The following F7 variants were observed in gnomAD, a reference collection of about 807,000 sequenced individuals.
The protein encoded by F7 is coagulation factor VII, also known as FVII coagulation protein.
F7 carries 38 observed loss-of-function variants against 47.5 expected under a neutral mutation model. That is an observed-to-expected ratio of 0.80 (90% CI 0.62 to 1.05). The LOEUF (loss-of-function observed/expected upper bound fraction) is 1.05. Among genes scored for constraint, F7 ranks in the 50% least tolerant of loss-of-function variants. The pLI, the probability that F7 is intolerant of heterozygous loss-of-function variation, is 0.00. For missense variants in F7, 575 were observed against 605.4 expected, an observed-to-expected ratio of 0.95 and a Z score of 0.53; for synonymous variants, 244 against 258.5, an observed-to-expected ratio of 0.94 and a Z score of 0.54.
In F7 at chr13:113,115,717, G is replaced by C; in HGVS notation, c.422G>C (p.Ser141Thr). 2 of 1,613,134 alleles carry C rather than the reference G, an allele frequency of 1.2e-6. No individual in the cohort carries two copies. The highest frequency in any genetic ancestry group is 1.7e-6 in the Non-Finnish European group (2 of 1,180,020). ...NENGGCEQYC[S>T]DHTGTKRSCR... ...AACGGCGGCTGTGAGCAGTACTGCA[G>C]TGACCACACGGGCACCAAGCGCTCC... Residue 141 changes from serine (S) to threonine (T), a missense_variant, in exon 5 of 8, where the codon AGT becomes ACT. By Grantham distance (58) the Ser-to-Thr change is moderately conservative (BLOSUM62 1). Coordinates refer to ENST00000346342, the MANE Select transcript of F7 (RefSeq NM_019616.4).
intron 5 of F7, among the ~76,000 whole-genome samples, chr13:113,116,011 T>A (rs1305033898): frequency 6.6e-6 from 1 of 152,198 alleles, no homozygotes; most frequent in Admixed American, 6.5e-5. Flanking sequence ...AATCCCTGAA[T>A]GGCCTCAGGC....
Position 113,118,410 on chromosome 13 carries a change from C to T in F7, c.740-3C>T, listed in dbSNP as rs2142232068. The T allele has an allele frequency of 6.3e-7, 1 of 1,589,234 alleles. No homozygotes were observed. Among genetic ancestry groups the T allele is most frequent in the South Asian group, 1.1e-5 (1 of 89,746 alleles). ...GGGCCTGAGGGGGGCTTCTTCCTTC[C>T]AGGCGAGCACGACCTCAGCGAGCAC... is the stretch of plus-strand genomic sequence containing the variant. On this transcript the variant is annotated splice_polypyrimidine_tract_variant and splice_region_variant and intron_variant, in intron 7 of 7. Transcript: ENST00000346342.
chr13:113,108,705 TGTGGGTGTCCCGGGGGTC>T (rs1595069641), intron 1 of F7, among the ~76,000 whole-genome samples: 4 of 65,080 alleles, frequency 6.1e-5, no homozygotes, highest in African/African-American at 2.1e-4. Flanking sequence ...GTCCCGGGGG[TGTGGGTGTCCCGGGGGTC>T]GTGGGTGTCC....
At position 113,113,089 on chromosome 13, in the gene F7, A is replaced by G. The variant is rs2036134749; in HGVS notation, c.226-663A>G. 2.6e-5 allele frequency among the ~76,000 whole-genome samples: 4 copies of G among 152,048 alleles called. No individual in the cohort carries two copies. The South Asian group carries it at 6.2e-4, about 24-fold the overall frequency. On this transcript the variant is annotated intron_variant, in intron 2 of 7. Transcript: ENST00000346342. This position sits in a 1 kb window ranked among gnomAD's most constrained non-coding sequence, Gnocchi z 4.1. ...GGTCGCCACACCTCACACTCACAGGATGCCTCACACTCACAGAACCACATC... is the reference window on the plus strand; with the variant it reads ...GGTCGCCACACCTCACACTCACAGGGTGCCTCACACTCACAGAACCACATC...
chr13:113,110,154 C>A lies in F7; in HGVS notation c.65-536C>A, dbSNP rs530052515. On this transcript the variant is annotated intron_variant, in intron 1 of 7. Coordinates refer to ENST00000346342, the MANE Select transcript of F7 (RefSeq NM_019616.4). ...GAAGCCCAGGACCGCCAAGAGCTGGCGAGGAAGCCCGGGGCTCGCTGTCGG... is the reference window on the plus strand; with the variant it reads ...GAAGCCCAGGACCGCCAAGAGCTGGAGAGGAAGCCCGGGGCTCGCTGTCGG... Among the ~76,000 whole-genome samples, 599 of 152,202 alleles carry A rather than the reference C, an allele frequency of 3.9e-3. 4 individuals are homozygous for A. Among genetic ancestry groups the A allele is most frequent in the African/African-American group, 0.014 (569 of 41,548 alleles).
intron 5 of F7, 140 bp from the exon 6 acceptor site, chr13:113,116,626 C>A: frequency 1.4e-6 from 1 of 718,148 alleles, no homozygotes; most frequent in Non-Finnish European, 2.5e-6. Context: ...CACCCCTGGG[C>A]CCTGGGAGCT....
intron 1 of F7, chr13:113,107,005 G>A: frequency 7.2e-7 from 1 of 1,381,224 alleles, no homozygotes; most frequent in South Asian, 1.2e-5. Flanking sequence ...CCCGCGGGGT[G>A]GCTACTGCAG....
intron 1 of F7, among the ~76,000 whole-genome samples, chr13:113,106,280 T>TG (rs1229818440): frequency 2.5e-5 from 1 of 40,348 alleles, no homozygotes; most frequent in Admixed American, 3.2e-4. Context: ...GGACGGTGCG[T>TG]GGGGGATGGC....
In F7 at chr13:113,107,199, C is replaced by T. The variant is rs28663357; in HGVS notation, c.64+1294C>T. 0.23 allele frequency among the ~76,000 whole-genome samples: 34,980 copies of T among 150,628 alleles called. 4,373 individuals are homozygous for T. Among genetic ancestry groups the T allele is most frequent in the East Asian group, 0.45 (2,265 of 5,062 alleles). ...CTTTTCTGATGCAAATCTGCTTTCA[C>T]CCCAGGGCGGTCACCGGCTCTGCTC... is the stretch of plus-strand genomic sequence containing the variant. On this transcript the variant is annotated intron_variant, in intron 1 of 7. Transcript: ENST00000346342.
Position 113,118,455 on chromosome 13 carries a change from G to A in F7, c.782G>A (p.Arg261Gln), listed in dbSNP as rs568706248. ...LSEHDGDEQS[R>Q]RVAQVIIPST... Reference sequence around the variant, plus strand: ...GAGCACGACGGGGATGAGCAGAGCCGGCGGGTGGCGCAGGTCATCATCCCC... The same window carrying A: ...GAGCACGACGGGGATGAGCAGAGCCAGCGGGTGGCGCAGGTCATCATCCCC... Residue 261 changes from arginine (R) to glutamine (Q), a missense_variant, in exon 8 of 8, where the codon CGG becomes CAG. Coordinates refer to ENST00000346342, the MANE Select transcript of F7 (RefSeq NM_019616.4). The A allele has an allele frequency of 1.2e-5, 20 of 1,605,662 alleles. No homozygotes were observed. The East Asian group carries it at 2.2e-4, about 18-fold the overall frequency.
intron 1 of F7, among the ~76,000 whole-genome samples, chr13:113,108,705 T>TC (rs2036022823): frequency 1.5e-5 from 1 of 65,088 alleles, no homozygotes. Flanking sequence ...GTCCCGGGGG[T>TC]GTGGGTGTCC....
chr13:113,107,928 T>C (rs1385701588), intron 1 of F7, among the ~76,000 whole-genome samples: 3 of 85,598 alleles, frequency 3.5e-5, no homozygotes, highest in African/African-American at 1.2e-4. Context: ...GGGGCGTGGG[T>C]GTCCCGGGGG....
In F7 at chr13:113,113,849, G is replaced by A. The variant is rs777385390; in HGVS notation, c.253G>A (p.Gly85Arg). The A allele has an allele frequency of 1.9e-6, 3 of 1,614,200 alleles. No individual in the cohort carries two copies. The highest frequency in any genetic ancestry group is 2.5e-6 in the Non-Finnish European group (3 of 1,180,034). Reference sequence around the variant, plus strand: ...ACTGACACCAGCCCACTCCACAGATGGGGACCAGTGTGCCTCAAGTCCATG... The same window carrying A: ...ACTGACACCAGCCCACTCCACAGATAGGGACCAGTGTGCCTCAAGTCCATG... ...TKLFWISYSD[G>R]DQCASSPCQN... is the part of the protein sequence containing the mutation. The change falls in exon 4 of 8, where the codon GGG (glycine) becomes AGG (arginine). Residue 85 changes from glycine to arginine, a missense_variant and splice_region_variant. By Grantham distance (125) the Gly-to-Arg change is moderately radical (BLOSUM62 -2). Coordinates refer to ENST00000346342, the MANE Select transcript of F7 (RefSeq NM_019616.4). The surrounding 1 kb of genome is among the most constrained non-coding windows in gnomAD (Gnocchi z 4.1).
Position 113,105,916 on chromosome 13 carries a change from G to A in F7, c.64+11G>A. The stretch of plus-strand genomic sequence containing the variant: ...GCTGCCTGGCTGCAGGTGCGTCCGG[G>A]GAGGTTTTCTCCATAAACTTGGTGG... On this transcript the variant is annotated intron_variant, in intron 1 of 7. Coordinates refer to ENST00000346342, the MANE Select transcript of F7 (RefSeq NM_019616.4). 1.9e-6 allele frequency: 3 copies of A among 1,577,570 alleles called. 1 individual carries two copies. The South Asian group carries it at 3.5e-5, about 18-fold the overall frequency.
chr13:113,106,554 G>A (rs1179806320), intron 1 of F7, among the ~76,000 whole-genome samples: 1 of 48,152 alleles, frequency 2.1e-5, no homozygotes, highest in Non-Finnish European at 4.2e-5. Flanking sequence ...GTGGGGTGTC[G>A]GGGATGGGGC....
intron 1 of F7, among the ~76,000 whole-genome samples, chr13:113,107,414 T>A (rs35920446): frequency 2.4e-4 from 2 of 8,402 alleles, no homozygotes; most frequent in African/African-American, 5.7e-4. Context: ...CCCGGGGGAG[T>A]GGGTGTCCCG....
Position 113,110,205 on chromosome 13 carries a change from G to A in F7, c.65-485G>A, listed in dbSNP as rs36208755. 5.3e-3 allele frequency: 820 copies of A among 155,476 alleles called. 2 individuals are homozygous for A. The highest frequency in any genetic ancestry group is 9.9e-3 in the Middle Eastern group (3 of 304). 9.6% of individuals were successfully genotyped at this position (155,476 alleles called of 1,614,324 possible). A position where few individuals can be genotyped will look rare whatever the true frequency, so the allele number is the denominator to read the frequency against. ...GGGAGCCGGGCAGGGGCCGCGCCTC[G>A]GACCAGGACGGAGGCCTGGGGAAGG... On this transcript the variant is annotated intron_variant, in intron 1 of 7. Coordinates refer to ENST00000346342, the MANE Select transcript of F7 (RefSeq NM_019616.4).
chr13:113,110,784 G>A lies in F7; in HGVS notation c.159G>A (p.Arg53=). The change falls in exon 2 of 8, where the codon AGG becomes AGA. Residue 53 remains arginine, a synonymous_variant. Transcript: ENST00000346342. The part of the protein sequence containing the change: ...LEELRPGSLE[R]ECKEEQCSFE... The stretch of plus-strand genomic sequence containing the variant: ...AGCTGCGGCCGGGCTCCCTGGAGAG[G>A]GAGTGCAAGGAGGAGCAGTGCTCCT... 3 of 1,552,516 alleles carry A rather than the reference G, an allele frequency of 1.9e-6. No homozygotes were observed. Among genetic ancestry groups the A allele is most frequent in the Non-Finnish European group, 2.6e-6 (3 of 1,148,550 alleles).
intron 1 of F7, among the ~76,000 whole-genome samples, chr13:113,106,584 G>GCGTGGGGGGGGT (rs2035962539): frequency 7.7e-3 from 1 of 130 alleles, no homozygotes; most frequent in African/African-American, 0.029. Flanking sequence ...GTGGGGGATG[G>GCGTGGGGGGGGT]GGCATGGAAA....
Sources: allele counts gnomAD v4.1 joint callset (sites outside exome capture counted in the v4.1 genomes callset), GRCh38; gene constraint gnomAD v4.1.1; non-coding constraint Gnocchi (gnomAD v3.1); transcripts MANE v1.5; gene names NCBI Gene and HGNC (gene_info 2026-07-23, HGNC 2026-07-21).